Variants in RPH3AL observed in about 807,000 individuals in gnomAD.
RPH3AL encodes the protein rabphilin 3A like (without C2 domains), also known as rab effector Noc2.
In RPH3AL, 38 loss-of-function variants were observed where a neutral mutation model predicts 43.1. The observed-to-expected ratio is 0.88, with a 90% CI of 0.68 to 1.15. RPH3AL has a LOEUF of 1.15. Among genes scored for constraint, RPH3AL ranks in the 50% most tolerant of loss-of-function variants. The pLI is 0.00. For synonymous variants in RPH3AL, 189 were observed against 176.3 expected, an observed-to-expected ratio of 1.07 and a Z score of -0.57; for missense variants, 462 against 423.2, an observed-to-expected ratio of 1.09 and a Z score of -0.81.
At chr17:284,584 T>TGGACAGTCTGGCCCTGCCCTCCATGCC (rs2042860607) in intron 5 of RPH3AL, among the ~76,000 whole-genome samples, 1 of 151,918 alleles carries the variant, frequency 6.6e-6, no homozygotes, top group African/African-American at 2.4e-5. Context: ...CCCTCCATGC[T>TGGACAGTCTGGCCCTGCCCTCCATGCC]CTCCCAGTGG....
In RPH3AL at chr17:245,273, G is replaced by C. The variant is rs560435897; in HGVS notation, c.613+1838C>G. ...CATGTGTGTGTGCACGTGGATGTCA[G>C]TGTGTGTGTACGTGGGTGTGTGTGT... is the stretch of plus-strand genomic sequence containing the variant. On this transcript the variant is annotated intron_variant, in intron 7 of 9. Coordinates refer to ENST00000331302, the MANE Select transcript of RPH3AL (RefSeq NM_006987.4). The surrounding 1 kb of genome is among the most constrained non-coding windows in gnomAD (Gnocchi z 5.9). 5.6e-4 allele frequency among the ~76,000 whole-genome samples: 85 copies of C among 151,510 alleles called. No homozygotes were observed. Among genetic ancestry groups the C allele is most frequent in the African/African-American group, 2.0e-3 (83 of 41,306 alleles).
intron 7 of RPH3AL, among the ~76,000 whole-genome samples, chr17:222,214 G>C (rs1335462745): frequency 6.6e-6 from 1 of 152,236 alleles, no homozygotes; most frequent in Non-Finnish European, 1.5e-5. Context: ...GAACAATTCT[G>C]TGAGGTAGGA....
At chr17:233,787 G>T in intron 7 of RPH3AL, among the ~76,000 whole-genome samples, 1 of 152,222 alleles carries the variant, frequency 6.6e-6, no homozygotes, top group Non-Finnish European at 1.5e-5. Flanking sequence ...AGACAACAGG[G>T]CCGGGTGGGG....
intron 5 of RPH3AL, among the ~76,000 whole-genome samples, chr17:304,498 C>A (rs1398157255): frequency 2.6e-5 from 4 of 152,158 alleles, no homozygotes; most frequent in Non-Finnish European, 5.9e-5. Flanking sequence ...GAGGCTCAAA[C>A]AACTGAGGCA....
intron 5 of RPH3AL, among the ~76,000 whole-genome samples, chr17:311,536 T>C (rs758225456): frequency 1.6e-4 from 24 of 152,210 alleles, no homozygotes; most frequent in Non-Finnish European, 2.9e-4. Context: ...CACTAGAGAA[T>C]ACTGTCTGCC....
chr17:302,519 G>A (rs977980119), intron 5 of RPH3AL, among the ~76,000 whole-genome samples: 1 of 152,220 alleles, frequency 6.6e-6, no homozygotes, highest in Admixed American at 6.5e-5. Flanking sequence ...GAAGCCATCG[G>A]AGCCACACTG....
chr17:302,272 G>A (rs934675326), intron 5 of RPH3AL, among the ~76,000 whole-genome samples: 2 of 152,234 alleles, frequency 1.3e-5, no homozygotes, highest in Non-Finnish European at 2.9e-5. Context: ...AGGCCAGAGA[G>A]GGAAACAGAT....
chr17:304,607 A>T (rs2043416611), intron 5 of RPH3AL, among the ~76,000 whole-genome samples: 1 of 152,012 alleles, frequency 6.6e-6, no homozygotes, highest in Non-Finnish European at 1.5e-5. Flanking sequence ...CTGGGATTTT[A>T]GGCTGTCACG....
At chr17:315,318 AC>A (rs374088002) in intron 5 of RPH3AL, among the ~76,000 whole-genome samples, 281 of 2,182 alleles carry the variant, frequency 0.13, no homozygotes, top group Middle Eastern at 0.5. Flanking sequence ...AGTCCCTGTG[AC>A]CCCACCTCCA....
intron 6 of RPH3AL, among the ~76,000 whole-genome samples, chr17:260,299 T>C (rs1476711458): frequency 6.6e-6 from 1 of 152,198 alleles, no homozygotes; most frequent in Admixed American, 6.5e-5. Context: ...CCAGAGGCCA[T>C]GTGGTCCCAC....
rs372627127 is a variant in RPH3AL at position 243,228 on chromosome 17, C to T, written c.613+3883G>A. 3.4e-3 allele frequency among the ~76,000 whole-genome samples: 339 copies of T among 99,994 alleles called. 1 individual carries two copies. Among genetic ancestry groups the T allele is most frequent in the South Asian group, 6.5e-3 (16 of 2,458 alleles). 65.6% of individuals were successfully genotyped at this position (99,994 alleles called of 152,430 possible). Reference sequence around the variant, plus strand: ...TCTATTGACTACCTTCCTCTATTGACTACCTTCCTCTATTGATTACCTTTC... The same window carrying T: ...TCTATTGACTACCTTCCTCTATTGATTACCTTCCTCTATTGATTACCTTTC... On this transcript the variant is annotated intron_variant, in intron 7 of 9. Coordinates refer to ENST00000331302, the MANE Select transcript of RPH3AL (RefSeq NM_006987.4).
intron 6 of RPH3AL, among the ~76,000 whole-genome samples, chr17:251,666 C>T (rs997057785): frequency 2.0e-5 from 3 of 152,240 alleles, no homozygotes; most frequent in Admixed American, 6.5e-5. Context: ...ACACAGCAGC[C>T]ACCAAGGCCA....
chr17:320,783 G>A (rs907676895), intron 4 of RPH3AL, among the ~76,000 whole-genome samples: 8 of 152,230 alleles, frequency 5.3e-5, no homozygotes, highest in Admixed American at 2.6e-4. Flanking sequence ...AATTGCTTTC[G>A]TAATTAAACA....
intron 6 of RPH3AL, among the ~76,000 whole-genome samples, chr17:259,830 T>G (rs2042158670): frequency 6.6e-6 from 1 of 152,258 alleles, no homozygotes; most frequent in Admixed American, 6.5e-5. Context: ...GACTGCAGAT[T>G]CTCATGGATA....
intron 9 of RPH3AL, among the ~76,000 whole-genome samples, chr17:214,311 C>T (rs929309783): frequency 6.6e-6 from 1 of 152,162 alleles, no homozygotes; most frequent in Admixed American, 6.5e-5. Context: ...TGGACATTTA[C>T]TGAGGACCTC....
Position 212,735 on chromosome 17 carries a change from T to C in RPH3AL, c.*1117A>G, listed in dbSNP as rs11150884. ...CACGTTCTCTCTCTTCAGGGAAGGGTTTTCCAGAAGCATTTGCCCATACTC... is the reference window on the plus strand; with the variant it reads ...CACGTTCTCTCTCTTCAGGGAAGGGCTTTCCAGAAGCATTTGCCCATACTC... On this transcript the variant is annotated 3_prime_UTR_variant, in exon 10 of 10. Transcript: ENST00000331302. The C allele has an allele frequency of 0.056, 8,527 of 151,294 alleles. 263 individuals are homozygous for C. Among genetic ancestry groups the C allele is most frequent in the Non-Finnish European group, 0.068 (4,605 of 67,856 alleles). The allele number at this position is 151,294 out of a possible 1,614,324, so 9.4% of individuals were successfully genotyped here.
chr17:251,757 G>A (rs937827854), intron 6 of RPH3AL, among the ~76,000 whole-genome samples: 1 of 152,248 alleles, frequency 6.6e-6, no homozygotes, highest in African/African-American at 2.4e-5. Flanking sequence ...TGGGGTGCCA[G>A]CCAAGGGCTC....
chr17:300,131 C>A (rs375100846), intron 5 of RPH3AL, among the ~76,000 whole-genome samples: 27 of 66,950 alleles, frequency 4.0e-4, no homozygotes, highest in African/African-American at 8.6e-4. Flanking sequence ...CCCGCTCTAG[C>A]AGGGGCTGGC....
intron 6 of RPH3AL, among the ~76,000 whole-genome samples, chr17:271,933 A>G (rs1242685727): frequency 6.6e-6 from 1 of 152,238 alleles, no homozygotes; most frequent in Non-Finnish European, 1.5e-5. Context: ...ACCCCATCAA[A>G]AAGTGGGCAA....
Sources: allele counts gnomAD v4.1 joint callset (sites outside exome capture counted in the v4.1 genomes callset), GRCh38; gene constraint gnomAD v4.1.1; non-coding constraint Gnocchi (gnomAD v3.1); transcripts MANE v1.5; gene names NCBI Gene and HGNC (gene_info 2026-07-23, HGNC 2026-07-21).